Variants in CERK observed in about 807,000 individuals in gnomAD.
CERK encodes acylsphingosine kinase.
CERK carries 39 observed loss-of-function variants against 63.4 expected under a neutral mutation model. That is an observed-to-expected ratio of 0.61 (90% confidence interval 0.48 to 0.80). The LOEUF (loss-of-function observed/expected upper bound fraction) is 0.80. Among genes scored for constraint, CERK ranks in the 30% least tolerant of loss-of-function variants. The probability of loss-of-function intolerance (pLI) is 0.00; values close to 1 mark genes in which losing one functional copy is unlikely to be tolerated. For missense variants in CERK, 670 were observed against 714.1 expected (o/e 0.94, Z 0.70); for synonymous variants, 302 against 280.0 (o/e 1.08, Z -0.78).
In CERK at chr22:46,705,122, G is replaced by C. The variant is rs560113229; in HGVS notation, c.715+2721C>G. On this transcript the variant is annotated intron_variant, in intron 6 of 12. Coordinates refer to ENST00000216264, the MANE Select transcript of CERK (RefSeq NM_022766.6). The stretch of plus-strand genomic sequence containing the variant: ...CCAGCCCCGTGGGTGGCCTTTATGG[G>C]AGAATTAAGTGGGCCCAGAGACTCC... 2.6e-5 allele frequency among the ~76,000 whole-genome samples: 4 copies of C among 152,268 alleles called. No homozygotes were observed. The South Asian group carries it at 8.3e-4, about 31-fold the overall frequency.
chr22:46,733,333 G>C (rs1226499934), intron 1 of CERK, among the ~76,000 whole-genome samples: 1 of 149,808 alleles, frequency 6.7e-6, no homozygotes, highest in African/African-American at 2.5e-5. Flanking sequence ...TCGCCGTGTT[G>C]CCCAGGCTGG....
chr22:46,689,457 G>A (rs2082719070), intron 12 of CERK, among the ~76,000 whole-genome samples: 1 of 152,228 alleles, frequency 6.6e-6, no homozygotes, highest in South Asian at 2.1e-4. Flanking sequence ...TGCAACTTCT[G>A]CCTCCTGGGT....
chr22:46,699,213 G>T, intron 8 of CERK, 100 bp downstream of exon 8: 2 of 1,228,934 alleles, frequency 1.6e-6, no homozygotes, highest in Non-Finnish European at 1.2e-6. Context: ...GCAGGTGGGG[G>T]CCCACCTCTG....
intron 5 of CERK, among the ~76,000 whole-genome samples, chr22:46,710,517 A>G (rs1394241587): frequency 6.6e-6 from 1 of 152,176 alleles, no homozygotes; most frequent in Admixed American, 6.5e-5. Flanking sequence ...TAAAATGTTA[A>G]TCTCCTATGA....
chr22:46,705,754 C>A (rs543670191), intron 6 of CERK, among the ~76,000 whole-genome samples: 1 of 150,716 alleles, frequency 6.6e-6, no homozygotes, highest in South Asian at 2.1e-4. Context: ...GGTGACTGGC[C>A]AGGCATGGTG....
intron 8 of CERK, 109 bp from the exon 9 acceptor site, chr22:46,695,424 C>T (rs135676): frequency 0.21 from 158,257 of 747,268 alleles, 18,326 homozygotes; most frequent in East Asian, 0.37. Context: ...CTGCCTAAAC[C>T]GTCTGCAGGA....
chr22:46,687,171 C>T lies in CERK; in HGVS notation c.1577G>A (p.Gly526Glu), dbSNP rs1261254178. The T allele has an allele frequency of 3.7e-6, 6 of 1,614,064 alleles. No homozygotes were observed. The highest frequency in any genetic ancestry group is 4.2e-6 in the Non-Finnish European group (5 of 1,180,056). ...HCQLVRLFAR[G>E]IEENPKPDSH... ...GTCTGGCTTCGGATTCTCTTCAATT[C>T]CTCGTGCAAAGAGTCGAACCAGCTG... The change falls in exon 13 of 13, where the codon GGA becomes GAA. Residue 526 changes from glycine to glutamate, a missense_variant. Transcript: ENST00000216264.
intron 5 of CERK, among the ~76,000 whole-genome samples, chr22:46,709,806 G>C (rs1601719072): frequency 6.6e-6 from 1 of 152,190 alleles, no homozygotes; most frequent in Admixed American, 6.5e-5. Flanking sequence ...GGACAGACTT[G>C]AGTACATGAA....
chr22:46,726,815 G>A (rs1351423773), intron 1 of CERK, among the ~76,000 whole-genome samples: 1 of 151,980 alleles, frequency 6.6e-6, no homozygotes, highest in Non-Finnish European at 1.5e-5. Flanking sequence ...CCCTTGATGG[G>A]TCTGATACAC....
At chr22:46,713,526 A>AAC (rs1555986762) in intron 3 of CERK, among the ~76,000 whole-genome samples, 18 of 148,078 alleles carry the variant, frequency 1.2e-4, no homozygotes, top group East Asian at 6.0e-4. Flanking sequence ...AAAAAAAAAA[A>AAC]AAACAAACAA....
chr22:46,737,685 G>A (rs1398295035), intron 1 of CERK, among the ~76,000 whole-genome samples: 1 of 152,342 alleles, frequency 6.6e-6, no homozygotes, highest in East Asian at 1.9e-4. Flanking sequence ...CTTGTCCAGA[G>A]GTGCCCTGCG....
chr22:46,698,457 A>G lies in CERK; in HGVS notation c.943+856T>C, dbSNP rs190456151. On this transcript the variant is annotated intron_variant, in intron 8 of 12. Coordinates refer to ENST00000216264, the MANE Select transcript of CERK (RefSeq NM_022766.6). ...GGCTAGCTACGGTGTAACCCCAACA[A>G]AACCACGCAACCTTGTTGAATGAAG... Among the ~76,000 whole-genome samples, 60 of 152,366 alleles carry G rather than the reference A, an allele frequency of 3.9e-4. 1 individual carries two copies. The East Asian group carries it at 0.011, about 27-fold the overall frequency.
intron 1 of CERK, among the ~76,000 whole-genome samples, chr22:46,726,364 C>T (rs900277008): frequency 1.5e-4 from 23 of 152,324 alleles, no homozygotes; most frequent in Non-Finnish European, 3.1e-4. Flanking sequence ...CTGCCCACTG[C>T]GCCCACTGGA....
At chr22:46,727,449 C>CTT (rs772547106) in intron 1 of CERK, among the ~76,000 whole-genome samples, 8 of 61,824 alleles carry the variant, frequency 1.3e-4, no homozygotes, top group African/African-American at 2.6e-4. Flanking sequence ...CCAGCTGTTT[C>CTT]TTTTTTTTTT....
rs1030273536 is a variant in CERK, at chr22:46,697,824, G to T, written c.943+1489C>A. On this transcript the variant is annotated intron_variant, in intron 8 of 12. Coordinates refer to ENST00000216264, the MANE Select transcript of CERK (RefSeq NM_022766.6). ...CTGGCCAATTCTATGTATTTTTAAA[G>T]TTCTCCTTTTCCAGCGTTTAAAAGC... 3.3e-5 allele frequency among the ~76,000 whole-genome samples: 5 copies of T among 152,214 alleles called. No individual in the cohort carries two copies. The East Asian group carries it at 5.8e-4, about 18-fold the overall frequency.
At chr22:46,727,116 C>T (rs9627550) in intron 1 of CERK, among the ~76,000 whole-genome samples, 3,873 of 152,228 alleles carry the variant, frequency 0.025, 145 homozygotes, top group African/African-American at 0.087. Flanking sequence ...GAGGCTGAGC[C>T]GTGGTTTTTC....
At position 46,720,846 on chromosome 22, in the gene CERK, G is replaced by A. The variant is rs185104850; in HGVS notation, c.256+56C>T. 1.1e-4 allele frequency: 117 copies of A among 1,075,188 alleles called. 1 individual carries two copies. Among genetic ancestry groups the A allele is most frequent in the East Asian group, 3.8e-4 (16 of 41,900 alleles). The allele number at this position is 1,075,188 out of a possible 1,614,324, so 66.6% of individuals were successfully genotyped here. On this transcript the variant is annotated intron_variant, in intron 2 of 12. Transcript: ENST00000216264. ...ACAAGTAACAGAAAAGTTCCCTCTCGTGTAATCTACATAGAATTAATGAAG... is the reference window on the plus strand; with the variant it reads ...ACAAGTAACAGAAAAGTTCCCTCTCATGTAATCTACATAGAATTAATGAAG...
intron 9 of CERK, among the ~76,000 whole-genome samples, chr22:46,694,198 C>T (rs1020923321): frequency 2.6e-5 from 4 of 152,164 alleles, no homozygotes; most frequent in Admixed American, 6.5e-5. Context: ...TTCACAAAGG[C>T]GCAGCTGTCT....
intron 3 of CERK, among the ~76,000 whole-genome samples, 164 bp from the exon 4 acceptor site, chr22:46,712,457 T>C (rs112649114): frequency 6.9e-4 from 105 of 152,298 alleles, no homozygotes; most frequent in African/African-American, 2.4e-3. Flanking sequence ...AGCTTCCTGA[T>C]CTATGAAAAG....
Sources: gnomAD v4.1 joint callset for allele counts (sites outside exome capture counted in the v4.1 genomes callset) on GRCh38, gnomAD v4.1.1 for gene constraint, MANE v1.5 for transcripts, NCBI Gene and HGNC (gene_info 2026-07-23, HGNC 2026-07-21) for gene names.